L3MBTL4: variants seen among roughly 807,000 people sequenced by gnomAD.
L3MBTL4 encodes L3MBTL histone methyl-lysine binding protein 4.
A neutral mutation model predicts 84.5 loss-of-function variants in L3MBTL4; 70 were observed. The observed-to-expected ratio is 0.83, with a 90% CI of 0.68 to 1.01. The LOEUF (loss-of-function observed/expected upper bound fraction) is 1.01, where lower values mean the gene tolerates loss of function less well. L3MBTL4 is among the 50% of genes least tolerant of loss of function. L3MBTL4 has a pLI of 0.00. For synonymous variants in L3MBTL4, 274 were observed against 259.8 expected (o/e 1.05, Z -0.52); for missense variants, 715 against 754.8 (o/e 0.95, Z 0.62).
chr18:5,969,568 A>G lies in L3MBTL4; in HGVS notation c.1445-6T>C, dbSNP rs1340146671. On this transcript the variant is annotated splice_region_variant and splice_polypyrimidine_tract_variant and intron_variant, in intron 16 of 18. Transcript: ENST00000317931. ...CGCCTGCTCCACCGAGTATTCTGTAAGAGAGGTGGGGTGGGGTGAGGCTCA... is the reference window on the plus strand; with the variant it reads ...CGCCTGCTCCACCGAGTATTCTGTAGGAGAGGTGGGGTGGGGTGAGGCTCA... 5 of 1,587,592 alleles carry G rather than the reference A, an allele frequency of 3.1e-6. No individual in the cohort carries two copies. In the East Asian group the frequency reaches 9.0e-5, roughly 29 times the overall value.
At chr18:6,015,917 A>G (rs1465478861) in intron 16 of L3MBTL4, among the ~76,000 whole-genome samples, 2 of 152,166 alleles carry the variant, frequency 1.3e-5, no homozygotes, top group East Asian at 3.9e-4. Flanking sequence ...CCAAGATCGC[A>G]CCACTGCACT....
intron 16 of L3MBTL4, among the ~76,000 whole-genome samples, chr18:6,045,224 C>T (rs1291368070): frequency 3.3e-5 from 5 of 152,190 alleles, no homozygotes; most frequent in African/African-American, 9.7e-5. Context: ...GATTGGGGGC[C>T]TACTTTCAGC....
intron 16 of L3MBTL4, among the ~76,000 whole-genome samples, chr18:6,074,296 C>T (rs902385135): frequency 1.3e-5 from 2 of 152,156 alleles, no homozygotes; most frequent in African/African-American, 4.8e-5. Flanking sequence ...CAGTGTTATC[C>T]CTTCCTTTCT....
chr18:6,072,889 T>C lies in L3MBTL4; in HGVS notation c.1444+7992A>G, dbSNP rs1427261839. ...TCAAAAAAAAAAAAAAAAATATATA[T>C]ATATATATATATATATATATATATA... On this transcript the variant is annotated intron_variant, in intron 16 of 18. Coordinates refer to ENST00000317931, the MANE Select transcript of L3MBTL4 (RefSeq NM_001330559.2). Among the ~76,000 whole-genome samples the C allele has an allele frequency of 1.9e-4, 2 of 10,748 alleles. 1 individual carries two copies. Among genetic ancestry groups the C allele is most frequent in the Non-Finnish European group, 2.6e-4 (2 of 7,552 alleles). The allele number at this position is 10,748 out of a possible 152,430, so 7.1% of individuals were successfully genotyped here.
At chr18:6,062,542 G>A (rs1364269272) in intron 16 of L3MBTL4, among the ~76,000 whole-genome samples, 2 of 151,882 alleles carry the variant, frequency 1.3e-5, no homozygotes, top group Non-Finnish European at 2.9e-5. Flanking sequence ...AAAATTCTCA[G>A]CCATTATCAT....
intron 4 of L3MBTL4, among the ~76,000 whole-genome samples, chr18:6,276,622 C>G (rs1307725599): frequency 6.8e-6 from 1 of 146,958 alleles, no homozygotes; most frequent in African/African-American, 2.5e-5. Flanking sequence ...ACTATGTGCT[C>G]AGAGCTTATA....
At chr18:5,973,783 C>G (rs1335901428) in intron 16 of L3MBTL4, among the ~76,000 whole-genome samples, 1 of 152,144 alleles carries the variant, frequency 6.6e-6, no homozygotes, top group Non-Finnish European at 1.5e-5. Flanking sequence ...TCCACCAGAG[C>G]TGGCATCACA....
At chr18:6,245,891 CTAG>C (rs1182627112) in intron 5 of L3MBTL4, among the ~76,000 whole-genome samples, 1 of 152,138 alleles carries the variant, frequency 6.6e-6, no homozygotes, top group Non-Finnish European at 1.5e-5. Context: ...GCACCTGTCC[CTAG>C]TATTTTTTAA....
intron 12 of L3MBTL4, among the ~76,000 whole-genome samples, chr18:6,209,843 A>G (rs1353471460): frequency 1.3e-5 from 2 of 152,240 alleles, no homozygotes; most frequent in African/African-American, 4.8e-5. Flanking sequence ...TTACTACAGT[A>G]TGGATGAACC....
intron 16 of L3MBTL4, among the ~76,000 whole-genome samples, chr18:5,984,782 T>C (rs1264308963): frequency 6.6e-6 from 1 of 152,226 alleles, no homozygotes; most frequent in Non-Finnish European, 1.5e-5. Flanking sequence ...TTCTGAATTA[T>C]TTTTGGACCT....
At chr18:6,133,415 C>A (rs1369433169) in intron 14 of L3MBTL4, among the ~76,000 whole-genome samples, 3 of 152,022 alleles carry the variant, frequency 2.0e-5, no homozygotes, top group Non-Finnish European at 4.4e-5. Context: ...CTATATACTC[C>A]TAGTGCTTGT....
At chr18:6,137,781 T>C (rs940499027) in intron 14 of L3MBTL4, among the ~76,000 whole-genome samples, 6 of 152,232 alleles carry the variant, frequency 3.9e-5, no homozygotes, top group Admixed American at 3.9e-4. Flanking sequence ...TTTTCTATTC[T>C]TTTATAGAAT....
chr18:6,359,463 A>C (rs942646780), intron 1 of L3MBTL4, among the ~76,000 whole-genome samples: 1 of 152,142 alleles, frequency 6.6e-6, no homozygotes, highest in African/African-American at 2.4e-5. Context: ...AAATAAATAA[A>C]CATGACCTCA....
intron 16 of L3MBTL4, among the ~76,000 whole-genome samples, chr18:6,067,379 C>A (rs776518589): frequency 6.6e-6 from 1 of 152,166 alleles, no homozygotes; most frequent in Non-Finnish European, 1.5e-5. Flanking sequence ...CTCAATTATT[C>A]CCTCAAATAA....
At chr18:5,997,272 A>T (rs1347549893) in intron 16 of L3MBTL4, among the ~76,000 whole-genome samples, 1 of 150,514 alleles carries the variant, frequency 6.6e-6, no homozygotes, top group Non-Finnish European at 1.5e-5. Flanking sequence ...GCTGTGAACT[A>T]TGTCAGGCAA....
intron 14 of L3MBTL4, among the ~76,000 whole-genome samples, chr18:6,137,436 T>C (rs2060057436): frequency 6.6e-6 from 1 of 152,244 alleles, no homozygotes. Flanking sequence ...TCCTGTATTA[T>C]GCTTAGATCC....
intron 1 of L3MBTL4, among the ~76,000 whole-genome samples, chr18:6,346,550 T>C (rs1281533377): frequency 6.6e-6 from 1 of 152,118 alleles, no homozygotes; most frequent in African/African-American, 2.4e-5. Flanking sequence ...AACAGACATT[T>C]ATCCAAAGAA....
chr18:6,052,788 T>C (rs746148769), intron 16 of L3MBTL4, among the ~76,000 whole-genome samples: 12 of 152,194 alleles, frequency 7.9e-5, no homozygotes, highest in East Asian at 1.9e-4. Flanking sequence ...AGTAGGCTAA[T>C]GGACATAAAG....
At chr18:6,237,011 T>C (rs753757583) in intron 10 of L3MBTL4, among the ~76,000 whole-genome samples, 61 of 152,352 alleles carry the variant, frequency 4.0e-4, no homozygotes, top group Non-Finnish European at 7.2e-4. Context: ...AATATCTGTC[T>C]GCTTGAACAC....
Sources: gnomAD v4.1 joint callset for allele counts (sites outside exome capture counted in the v4.1 genomes callset) on GRCh38, gnomAD v4.1.1 for gene constraint, MANE v1.5 for transcripts, NCBI Gene and HGNC (gene_info 2026-07-23, HGNC 2026-07-21) for gene names.